Variants in RBFOX1 observed in about 807,000 individuals in gnomAD.
RBFOX1 encodes RNA binding protein fox-1 homolog 1.
RBFOX1 carries 8 observed loss-of-function variants against 57.7 expected under a neutral mutation model. The ratio of observed to expected loss-of-function variants is 0.14; its 90% CI spans 0.08 to 0.25. RBFOX1 has a LOEUF of 0.25. Among genes scored for constraint, RBFOX1 ranks in the 10% least tolerant of loss-of-function variants. The probability of loss-of-function intolerance (pLI) is 1.00; values close to 1 mark genes in which losing one functional copy is unlikely to be tolerated. For synonymous variants in RBFOX1, 326 were observed against 222.4 expected (o/e 1.47, Z -4.15); for missense variants, 611 against 548.5 (o/e 1.11, Z -1.14).
chr16:6,475,521 G>A (rs907759673), intron 2 of RBFOX1, among the ~76,000 whole-genome samples: 2 of 152,164 alleles, frequency 1.3e-5, no homozygotes, highest in Non-Finnish European at 2.9e-5. Flanking sequence ...ATTAGAAAAC[G>A]TGGTCACTTA....
chr16:7,551,977 G>C (rs577938335), intron 5 of RBFOX1, among the ~76,000 whole-genome samples: 24 of 152,152 alleles, frequency 1.6e-4, no homozygotes, highest in Non-Finnish European at 3.4e-4. Context: ...CATGTGCAAA[G>C]GCCGTGTGTC....
intron 14 of RBFOX1, among the ~76,000 whole-genome samples, chr16:7,702,167 T>A (rs1163799821): frequency 6.6e-6 from 1 of 152,222 alleles, no homozygotes; most frequent in East Asian, 1.9e-4. Flanking sequence ...GATTCTGCGA[T>A]TTGAAAATGG....
At chr16:6,266,106 G>A (rs917326112) in intron 1 of RBFOX1, among the ~76,000 whole-genome samples, 4 of 152,120 alleles carry the variant, frequency 2.6e-5, no homozygotes, top group Admixed American at 2.0e-4. Context: ...ACTTCTGGGC[G>A]GAAGCTTTAA....
chr16:5,856,052 G>T (rs2057021031), intron 3 of RBFOX1, among the ~76,000 whole-genome samples: 1 of 128,230 alleles, frequency 7.8e-6, no homozygotes, highest in Non-Finnish European at 1.6e-5. Flanking sequence ...CATTCTTTGT[G>T]TATAGAAATG....
At chr16:5,715,413 C>A (rs1319344867) in intron 3 of RBFOX1, among the ~76,000 whole-genome samples, 1 of 152,198 alleles carries the variant, frequency 6.6e-6, no homozygotes, top group African/African-American at 2.4e-5. Context: ...AGTTGACATG[C>A]ACCACATTGA....
At chr16:7,591,432 A>G (rs1482377505) in intron 7 of RBFOX1, among the ~76,000 whole-genome samples, 1 of 152,182 alleles carries the variant, frequency 6.6e-6, no homozygotes, top group African/African-American at 2.4e-5. Context: ...CATGAATGCA[A>G]AAAAGGAAGA....
intron 4 of RBFOX1, among the ~76,000 whole-genome samples, chr16:7,306,798 T>A (rs2096199624): frequency 6.6e-6 from 1 of 152,236 alleles, no homozygotes; most frequent in African/African-American, 2.4e-5. Context: ...TCACTTATTT[T>A]ATTTAGCATT....
At chr16:6,492,137 C>T (rs9922696) in intron 2 of RBFOX1, among the ~76,000 whole-genome samples, 129,794 of 151,950 alleles carry the variant, frequency 0.85, 55,594 homozygotes, top group Non-Finnish European at 0.89. Flanking sequence ...TGTGTGCGGG[C>T]GTGTGAAAGT....
Position 5,946,411 on chromosome 16 carries a change from G to A in RBFOX1, c.351+79076G>A, listed in dbSNP as rs780657248. Among the ~76,000 whole-genome samples, 2 of 152,070 alleles carry A rather than the reference G, an allele frequency of 1.3e-5. No individual in the cohort carries two copies. Among genetic ancestry groups the A allele is most frequent in the Admixed American group, 6.5e-5 (1 of 15,270 alleles). ...GTTTATCAAACACCAACCAAGTGCC[G>A]GATGCACTACTCTATCTTGCGACAG... On this transcript the variant is annotated intron_variant, in intron 4 of 19. Transcript: ENST00000641259. This position sits in a 1 kb window ranked among gnomAD's most constrained non-coding sequence, Gnocchi z 4.6.
At chr16:5,837,084 A>C (rs911456827) in intron 3 of RBFOX1, among the ~76,000 whole-genome samples, 9 of 151,964 alleles carry the variant, frequency 5.9e-5, no homozygotes, top group African/African-American at 2.2e-4. Context: ...CTTAGGGGAC[A>C]CTCATTCATA....
chr16:5,405,458 G>C (rs1410105060), intron 1 of RBFOX1, among the ~76,000 whole-genome samples: 1 of 152,188 alleles, frequency 6.6e-6, no homozygotes, highest in African/African-American at 2.4e-5. Flanking sequence ...CTTCTGCCAT[G>C]ATTGTGAGGC....
intron 15 of RBFOX1, chr16:7,709,603 T>A: frequency 6.5e-7 from 1 of 1,530,300 alleles, no homozygotes; most frequent in Admixed American, 2.0e-5. Flanking sequence ...CCTATTACAA[T>A]TCATGTTTAA....
At chr16:6,395,223 A>G (rs79821857) in intron 2 of RBFOX1, among the ~76,000 whole-genome samples, 3,871 of 152,326 alleles carry the variant, frequency 0.025, 327 homozygotes, top group East Asian at 0.21. Flanking sequence ...TTGTCAAAGA[A>G]AATAAAAAGT....
At chr16:7,345,217 A>G (rs1298405057) in intron 4 of RBFOX1, among the ~76,000 whole-genome samples, 1 of 152,180 alleles carries the variant, frequency 6.6e-6, no homozygotes, top group Non-Finnish European at 1.5e-5. Flanking sequence ...GGGGCTGTGG[A>G]CAGCTTGCAA....
At chr16:7,202,833 A>G (rs56723051) in intron 4 of RBFOX1, among the ~76,000 whole-genome samples, 14,971 of 152,274 alleles carry the variant, frequency 0.098, 802 homozygotes, top group Non-Finnish European at 0.11. Flanking sequence ...TTTATCTTCC[A>G]CAAAACTGGT....
intron 4 of RBFOX1, among the ~76,000 whole-genome samples, chr16:7,293,682 C>T (rs555722618): frequency 1.3e-5 from 2 of 152,060 alleles, no homozygotes; most frequent in African/African-American, 4.8e-5. Flanking sequence ...GTCTGTTTGC[C>T]GAGGTGAGAT....
chr16:5,297,749 T>C (rs1373662351), intron 1 of RBFOX1, among the ~76,000 whole-genome samples: 1 of 152,236 alleles, frequency 6.6e-6, no homozygotes, highest in African/African-American at 2.4e-5. Context: ...TTAGGACAAA[T>C]GTTACTGGTT....
intron 3 of RBFOX1, among the ~76,000 whole-genome samples, chr16:6,954,279 C>T (rs1463334571): frequency 1.3e-5 from 2 of 152,110 alleles, no homozygotes; most frequent in Non-Finnish European, 2.9e-5. Context: ...TTCTGGTCAT[C>T]TCGCCAATTT....
intron 1 of RBFOX1, among the ~76,000 whole-genome samples, chr16:6,057,331 A>C (rs2095626968): frequency 1.3e-5 from 2 of 152,010 alleles, no homozygotes; most frequent in Non-Finnish European, 2.9e-5. Flanking sequence ...GTTTAATATC[A>C]TGCAACTGTT....
Sources: allele counts gnomAD v4.1 joint callset (sites outside exome capture counted in the v4.1 genomes callset), GRCh38; gene constraint gnomAD v4.1.1; non-coding constraint Gnocchi (gnomAD v3.1); transcripts MANE v1.5; gene names NCBI Gene and HGNC (gene_info 2026-07-23, HGNC 2026-07-21).